The following MPC2 variants were observed in gnomAD, a reference collection of about 807,000 sequenced individuals.
MPC2 encodes mitochondrial pyruvate carrier 2.
A neutral mutation model predicts 19.2 loss-of-function variants in MPC2; 19 were observed. That is an observed-to-expected ratio of 0.99 (90% CI 0.69 to 1.45). MPC2 has a LOEUF of 1.45. Among genes scored for constraint, MPC2 ranks in the 40% most tolerant of loss-of-function variants. The pLI is 0.00. For missense variants in MPC2, 122 were observed against 153.0 expected (o/e 0.80, Z 1.07); for synonymous variants, 61 against 54.3 (o/e 1.12, Z -0.54).
intron 2 of MPC2, among the ~76,000 whole-genome samples, chr1:167,934,747 G>C (rs1671021959): frequency 6.6e-6 from 1 of 152,158 alleles, no homozygotes; most frequent in African/African-American, 2.4e-5. Context: ...CACTTTTCGG[G>C]TAGCACTTCA....
intron 2 of MPC2, among the ~76,000 whole-genome samples, chr1:167,927,118 A>ATT (rs1670782770): frequency 6.6e-6 from 1 of 152,230 alleles, no homozygotes; most frequent in Admixed American, 6.5e-5. Context: ...GATGCTAATC[A>ATT]AAGATATTCA....
chr1:167,918,574 A>T (rs1670524481), intron 5 of MPC2, among the ~76,000 whole-genome samples: 1 of 151,214 alleles, frequency 6.6e-6, no homozygotes, highest in Non-Finnish European at 1.5e-5. Flanking sequence ...TTCAGATAAT[A>T]AGAGCACAAC....
chr1:167,934,173 T>C (rs1215959948), intron 2 of MPC2, among the ~76,000 whole-genome samples: 1 of 152,204 alleles, frequency 6.6e-6, no homozygotes, highest in Non-Finnish European at 1.5e-5. Context: ...GAAAGCTGAG[T>C]AGTATTTTAA....
intron 2 of MPC2, among the ~76,000 whole-genome samples, chr1:167,924,839 T>G (rs1395415548): frequency 6.6e-6 from 1 of 152,188 alleles, no homozygotes; most frequent in Non-Finnish European, 1.5e-5. Flanking sequence ...TAATGTACTT[T>G]CATACTAGTT....
chr1:167,926,975 A>G (rs1008687013), intron 2 of MPC2, among the ~76,000 whole-genome samples: 5 of 152,220 alleles, frequency 3.3e-5, no homozygotes, highest in African/African-American at 1.2e-4. Context: ...ATATTCTTCT[A>G]TCATTTTCTG....
At chr1:167,925,451 A>ATC (rs1386878797) in intron 2 of MPC2, among the ~76,000 whole-genome samples, 23 of 109,430 alleles carry the variant, frequency 2.1e-4, no homozygotes, top group African/African-American at 8.5e-4. Flanking sequence ...ACATATATAT[A>ATC]TATATATATA....
intron 2 of MPC2, among the ~76,000 whole-genome samples, chr1:167,931,095 C>A (rs1350487227): frequency 1.3e-5 from 2 of 152,176 alleles, no homozygotes; most frequent in Non-Finnish European, 1.5e-5. Flanking sequence ...CCATGCCCAG[C>A]TAAATTTCGT....
intron 4 of MPC2, among the ~76,000 whole-genome samples, 172 bp downstream of exon 4, chr1:167,920,375 T>C (rs1382689750): frequency 1.3e-5 from 2 of 152,216 alleles, no homozygotes; most frequent in Non-Finnish European, 2.9e-5. Context: ...CAGATACTTA[T>C]TCTTTCTGTG....
chr1:167,925,379 A>G (rs971266601), intron 2 of MPC2, among the ~76,000 whole-genome samples: 6 of 148,600 alleles, frequency 4.0e-5, no homozygotes, highest in Non-Finnish European at 1.5e-5. Flanking sequence ...AGCAGTTTAT[A>G]CTAACATTTA....
At chr1:167,936,863 C>T (rs746769749) in intron 1 of MPC2, 76 bp downstream of exon 1, 6 of 1,145,722 alleles carry the variant, frequency 5.2e-6, no homozygotes, top group South Asian at 1.3e-5. Context: ...TCCCCCTCCT[C>T]CCCTCCCCCA....
chr1:167,924,580 A>G, intron 2 of MPC2, 43 bp from the exon 3 acceptor site: 1 of 1,399,788 alleles, frequency 7.1e-7, no homozygotes, highest in South Asian at 1.4e-5. Context: ...TAAACCAAAT[A>G]TATTATACAC....
chr1:167,920,664 T>G (rs1391001977), intron 3 of MPC2, 33 bp from the exon 4 acceptor site: 1 of 1,590,814 alleles, frequency 6.3e-7, no homozygotes, highest in East Asian at 2.3e-5. Context: ...AAAAAAAGTA[T>G]CACAAATGTG....
intron 2 of MPC2, among the ~76,000 whole-genome samples, chr1:167,929,333 T>C (rs908000461): frequency 1.3e-5 from 2 of 151,856 alleles, no homozygotes; most frequent in Non-Finnish European, 2.9e-5. Context: ...CACTCCAGCC[T>C]GGGCAATAAG....
chr1:167,931,966 T>C (rs1331006401), intron 2 of MPC2, among the ~76,000 whole-genome samples: 2 of 152,138 alleles, frequency 1.3e-5, no homozygotes, highest in Non-Finnish European at 2.9e-5. Context: ...TTCCCATGAG[T>C]CTTCAGAGGG....
chr1:167,924,608 A>G (rs1571510263), intron 2 of MPC2, 71 bp from the exon 3 acceptor site: 1 of 1,133,236 alleles, frequency 8.8e-7, no homozygotes, highest in East Asian at 2.7e-5. Context: ...AACAGCTGTC[A>G]CCAAATTTTA....
In MPC2 at chr1:167,919,995, G is replaced by C; in HGVS notation, c.331C>G (p.Leu111Val). ...TAGGCTTACCTCCAAATACGAAAAA[G>C]CTGAGAGGCTCCTGCTGCCCCCACA... ...FFVGAAGASQ[L>V]FRIWRYNQEL... Residue 111 changes from leucine to valine, a missense_variant, in exon 5 of 6, where the codon CTT (leucine) becomes GTT (valine). Coordinates refer to ENST00000271373, the MANE Select transcript of MPC2 (RefSeq NM_001143674.4). 6.2e-7 allele frequency: 1 copy of C among 1,611,174 alleles called. No individual in the cohort carries two copies. The highest frequency in any genetic ancestry group is 8.5e-7 in the Non-Finnish European group (1 of 1,178,740).
intron 2 of MPC2, among the ~76,000 whole-genome samples, chr1:167,933,169 G>C (rs953342302): frequency 7.2e-5 from 10 of 139,262 alleles, no homozygotes; most frequent in East Asian, 6.3e-4. Context: ...AAACACATTA[G>C]TTTTTTTTTT....
chr1:167,920,198 C>G (rs977964014), intron 4 of MPC2, 108 bp from the exon 5 acceptor site: 9 of 698,462 alleles, frequency 1.3e-5, no homozygotes, highest in Admixed American at 2.8e-5. Context: ...GGATGAGGGA[C>G]AAAGAAATGC....
intron 2 of MPC2, among the ~76,000 whole-genome samples, chr1:167,934,581 G>T (rs983509855): frequency 5.3e-5 from 8 of 152,164 alleles, no homozygotes; most frequent in Non-Finnish European, 1.0e-4. Context: ...TAATCCAGAT[G>T]TTCAATTCAT....
Sources: allele counts gnomAD v4.1 joint callset (sites outside exome capture counted in the v4.1 genomes callset), GRCh38; gene constraint gnomAD v4.1.1; transcripts MANE v1.5; gene names NCBI Gene and HGNC (gene_info 2026-07-23, HGNC 2026-07-21).